CARMIL1: variants seen among roughly 807,000 people sequenced by gnomAD.
The protein encoded by CARMIL1 is F-actin-uncapping protein LRRC16A.
CARMIL1 carries 90 observed loss-of-function variants against 177.1 expected under a neutral mutation model. The observed-to-expected ratio is 0.51, with a 90% CI of 0.43 to 0.61. The LOEUF is 0.61. Among genes scored for constraint, CARMIL1 ranks in the 20% least tolerant of loss-of-function variants. The pLI is 0.00. For synonymous variants in CARMIL1, 577 were observed against 606.2 expected (o/e 0.95, Z 0.71); for missense variants, 1,380 against 1,667.0 (o/e 0.83, Z 3.00).
intron 2 of CARMIL1, among the ~76,000 whole-genome samples, chr6:25,396,515 C>T (rs999063305): frequency 6.6e-6 from 1 of 152,000 alleles, no homozygotes; most frequent in Non-Finnish European, 1.5e-5. Flanking sequence ...GCACCCACCA[C>T]CACGCCCAGC....
chr6:25,340,777 GTTTTTTTTTT>G (rs34928775), intron 2 of CARMIL1, among the ~76,000 whole-genome samples: 72 of 86,158 alleles, frequency 8.4e-4, no homozygotes, highest in Admixed American at 2.6e-3. Flanking sequence ...GTCAATGAAG[GTTTTTTTTTT>G]TTTTTTTTTT....
chr6:25,503,387 T>C (rs984003201), intron 17 of CARMIL1, among the ~76,000 whole-genome samples: 4 of 152,214 alleles, frequency 2.6e-5, no homozygotes, highest in African/African-American at 9.6e-5. Context: ...TATCACATTT[T>C]GTTTCTTAGG....
At chr6:25,617,162 T>A (rs1759339653) in intron 36 of CARMIL1, among the ~76,000 whole-genome samples, 1 of 152,212 alleles carries the variant, frequency 6.6e-6, no homozygotes, top group Non-Finnish European at 1.5e-5. Flanking sequence ...CTGGTGTCAG[T>A]GACTCAAAAG....
intron 2 of CARMIL1, among the ~76,000 whole-genome samples, chr6:25,354,115 TATG>T (rs1788347459): frequency 6.6e-6 from 1 of 152,122 alleles, no homozygotes; most frequent in Admixed American, 6.6e-5. Flanking sequence ...GAGGTAGCAA[TATG>T]ATATGTTCTG....
chr6:25,520,393 G>C, intron 23 of CARMIL1, 56 bp downstream of exon 23: 2 of 944,856 alleles, frequency 2.1e-6, no homozygotes, highest in Non-Finnish European at 1.6e-6. Context: ...TTGTGGTTAT[G>C]TTCCTGAACT....
chr6:25,602,511 G>C (rs781188417), intron 33 of CARMIL1, among the ~76,000 whole-genome samples: 29 of 152,292 alleles, frequency 1.9e-4, no homozygotes, highest in African/African-American at 7.0e-4. Context: ...GACTTAAAGT[G>C]ACAAAACCCT....
At chr6:25,478,429 A>G (rs540864929) in intron 11 of CARMIL1, among the ~76,000 whole-genome samples, 47 of 152,308 alleles carry the variant, frequency 3.1e-4, no homozygotes, top group African/African-American at 9.1e-4. Flanking sequence ...GTACCTACCA[A>G]ATAAGAATGT....
chr6:25,458,233 A>G (rs1799708954), intron 8 of CARMIL1, among the ~76,000 whole-genome samples: 1 of 152,164 alleles, frequency 6.6e-6, no homozygotes, highest in African/African-American at 2.4e-5. Context: ...GTATTATAAA[A>G]TAGCCCCCAC....
chr6:25,594,671 G>A (rs1334739350), intron 32 of CARMIL1, 144 bp downstream of exon 32: 6 of 578,146 alleles, frequency 1.0e-5, no homozygotes, highest in African/African-American at 1.9e-5. Flanking sequence ...TCTCTGGGCC[G>A]GCAATACCAG....
chr6:25,286,091 T>G (rs1781503127), intron 2 of CARMIL1, among the ~76,000 whole-genome samples: 1 of 152,188 alleles, frequency 6.6e-6, no homozygotes, highest in Non-Finnish European at 1.5e-5. Flanking sequence ...GAGGCTGGTC[T>G]CAAACTCCTG....
At chr6:25,595,921 A>G (rs564785788) in intron 32 of CARMIL1, among the ~76,000 whole-genome samples, 9 of 152,210 alleles carry the variant, frequency 5.9e-5, no homozygotes, top group Non-Finnish European at 1.3e-4. Context: ...CCCATAATAT[A>G]TAGTCTGCCC....
At chr6:25,331,851 C>G (rs1233564701) in intron 2 of CARMIL1, among the ~76,000 whole-genome samples, 1 of 152,208 alleles carries the variant, frequency 6.6e-6, no homozygotes, top group Non-Finnish European at 1.5e-5. Flanking sequence ...GTCTGTTTTG[C>G]AATTCAATGC....
chr6:25,296,598 T>C (rs1226971934), intron 2 of CARMIL1, among the ~76,000 whole-genome samples: 1 of 152,142 alleles, frequency 6.6e-6, no homozygotes. Flanking sequence ...TAAGGCAATC[T>C]CTCTGCTCTT....
chr6:25,355,893 GCTGA>G (rs1788545173), intron 2 of CARMIL1, among the ~76,000 whole-genome samples: 1 of 152,100 alleles, frequency 6.6e-6, no homozygotes, highest in Non-Finnish European at 1.5e-5. Context: ...CGTCTTGTCT[GCTGA>G]CTATCTTTTA....
intron 2 of CARMIL1, among the ~76,000 whole-genome samples, chr6:25,374,932 T>C (rs920269984): frequency 1.3e-5 from 2 of 152,220 alleles, no homozygotes; most frequent in African/African-American, 4.8e-5. Flanking sequence ...GTGATTCTCT[T>C]GAAGACAGCA....
chr6:25,600,659 G>A lies in CARMIL1; in HGVS notation c.3465G>A (p.Gly1155=). 6.2e-7 allele frequency: 1 copy of A among 1,612,828 alleles called. No individual in the cohort carries two copies. Among genetic ancestry groups the A allele is most frequent in the Non-Finnish European group, 8.5e-7 (1 of 1,179,308 alleles). The part of the protein sequence containing the change: ...RSDSKSSPQA[G]RRYGVQVMGS... ...ACAGCAAGAGCAGCCCACAGGCAGG[G>A]CGGAGGTATGGGGTCCAGGTGATGG... The change falls in exon 33 of 37, where the codon GGG becomes GGA. Residue 1155 remains glycine (G), a synonymous_variant. Transcript: ENST00000329474.
intron 32 of CARMIL1, among the ~76,000 whole-genome samples, chr6:25,596,997 T>G (rs545994905): frequency 2.6e-5 from 4 of 152,300 alleles, no homozygotes; most frequent in African/African-American, 9.6e-5. Context: ...AGTGGGTAAT[T>G]TATAAAGGAA....
intron 13 of CARMIL1, among the ~76,000 whole-genome samples, chr6:25,489,329 T>C: frequency 6.6e-6 from 1 of 152,166 alleles, no homozygotes. Context: ...GGGATAAACC[T>C]GAGCACTCGT....
intron 2 of CARMIL1, among the ~76,000 whole-genome samples, chr6:25,327,818 C>T (rs773159980): frequency 3.4e-4 from 51 of 152,188 alleles, no homozygotes; most frequent in Non-Finnish European, 2.6e-4. Context: ...CTTAATCTGT[C>T]ACTTAGCAAA....
Sources: allele counts gnomAD v4.1 joint callset (sites outside exome capture counted in the v4.1 genomes callset), GRCh38; gene constraint gnomAD v4.1.1; transcripts MANE v1.5; gene names NCBI Gene and HGNC (gene_info 2026-07-23, HGNC 2026-07-21).